RIPOR2: variants seen among roughly 807,000 people sequenced by gnomAD.
RIPOR2 encodes the protein RHO family interacting cell polarization regulator 2.
A neutral mutation model predicts 114.5 loss-of-function variants in RIPOR2; 39 were observed. That is an observed-to-expected ratio of 0.34 (90% CI 0.26 to 0.44). The LOEUF (loss-of-function observed/expected upper bound fraction) is 0.44, where lower values mean the gene tolerates loss of function less well. Among genes scored for constraint, RIPOR2 ranks in the 20% least tolerant of loss-of-function variants. The probability of loss-of-function intolerance (pLI) is 1.00; values close to 1 mark genes in which losing one functional copy is unlikely to be tolerated. For missense variants in RIPOR2, 1,007 were observed against 1,255.1 expected, an observed-to-expected ratio of 0.80 and a Z score of 2.99; for synonymous variants, 445 against 484.4, an observed-to-expected ratio of 0.92 and a Z score of 1.07.
chr6:24,847,744 C>A, intron 12 of RIPOR2: 1 of 1,499,810 alleles, frequency 6.7e-7, no homozygotes, highest in Non-Finnish European at 9.0e-7. Context: ...CAGGTTACTA[C>A]ATTTTGTTAG....
intron 1 of RIPOR2, among the ~76,000 whole-genome samples, chr6:25,006,557 A>G (rs1410689): frequency 0.57 from 86,809 of 152,070 alleles, 25,308 homozygotes; most frequent in African/African-American, 0.62. Flanking sequence ...ATTCAAGTGA[A>G]AGGTGTCCTG....
At chr6:24,874,630 G>C (rs992452016) in intron 2 of RIPOR2, among the ~76,000 whole-genome samples, 3 of 152,180 alleles carry the variant, frequency 2.0e-5, no homozygotes, top group African/African-American at 7.2e-5. Context: ...AACATCATAG[G>C]AAGCTAAGGG....
intron 1 of RIPOR2, among the ~76,000 whole-genome samples, chr6:24,927,010 T>C (rs375532743): frequency 0.055 from 133 of 2,410 alleles, 1 homozygote; most frequent in South Asian, 0.11. Context: ...ACCACCACCA[T>C]CACCACCACC....
chr6:24,910,768 T>C (rs1183619443), intron 1 of RIPOR2: 1 of 977,884 alleles, frequency 1.0e-6, no homozygotes, highest in Admixed American at 6.2e-5. Context: ...CCTCACCGCG[T>C]TGTACGCAAA....
intron 1 of RIPOR2, among the ~76,000 whole-genome samples, chr6:25,026,045 G>GTTT (rs796470668): frequency 6.8e-6 from 1 of 146,274 alleles, no homozygotes; most frequent in Admixed American, 6.8e-5. Flanking sequence ...AAAGATTGTT[G>GTTT]TTTTTTTTTT....
At chr6:24,935,045 C>A (rs909237093) in intron 1 of RIPOR2, among the ~76,000 whole-genome samples, 2 of 152,118 alleles carry the variant, frequency 1.3e-5, no homozygotes, top group Non-Finnish European at 2.9e-5. Context: ...TGGTAGCTCA[C>A]GCCTGTAATC....
chr6:24,970,559 A>AAGCTG (rs1415513771), intron 1 of RIPOR2, among the ~76,000 whole-genome samples: 1 of 152,152 alleles, frequency 6.6e-6, no homozygotes, highest in Non-Finnish European at 1.5e-5. Flanking sequence ...GGTGAACTAA[A>AAGCTG]AGCTGTCTTG....
At chr6:24,976,772 A>T in intron 1 of RIPOR2, 1 of 1,611,820 alleles carries the variant, frequency 6.2e-7, no homozygotes, top group Non-Finnish European at 8.5e-7. Context: ...AGGTCCTGAA[A>T]TCTTGTCCAT....
At chr6:24,947,668 A>T (rs916552174) in intron 1 of RIPOR2, among the ~76,000 whole-genome samples, 1 of 151,612 alleles carries the variant, frequency 6.6e-6, no homozygotes, top group African/African-American at 2.4e-5. Context: ...TTCTTCAAAA[A>T]GGGGCTCTAC....
chr6:24,960,696 A>G (rs1773262770), intron 1 of RIPOR2, among the ~76,000 whole-genome samples: 1 of 151,774 alleles, frequency 6.6e-6, no homozygotes, highest in Non-Finnish European at 1.5e-5. Context: ...CACCTGGCTA[A>G]TTTTTCCATT....
chr6:24,829,656 C>T (rs1760495464), intron 17 of RIPOR2, among the ~76,000 whole-genome samples: 3 of 152,170 alleles, frequency 2.0e-5, no homozygotes, highest in Admixed American at 6.5e-5. Flanking sequence ...CTGTGTAATA[C>T]TCTATGCTAT....
At chr6:25,041,933 A>G (rs1777473890) in exon 1 of RIPOR2, 1 of 702,354 alleles carries the variant, frequency 1.4e-6, no homozygotes, top group East Asian at 2.7e-5. Flanking sequence ...CCATGGTCCC[A>G]ACAGAGCGGC....
chr6:24,937,350 A>G (rs1581840609), upstream of RIPOR2, among the ~76,000 whole-genome samples: 1 of 152,180 alleles, frequency 6.6e-6, no homozygotes, highest in East Asian at 1.9e-4. Context: ...ACCATAATGC[A>G]TGGAACAGTA....
intron 15 of RIPOR2, among the ~76,000 whole-genome samples, chr6:24,834,473 T>A (rs1237136765): frequency 6.6e-6 from 1 of 152,024 alleles, no homozygotes; most frequent in Non-Finnish European, 1.5e-5. Flanking sequence ...CTTGACACTT[T>A]TTCTTTTCTT....
chr6:25,010,943 C>T (rs890889362), intron 1 of RIPOR2, among the ~76,000 whole-genome samples: 1 of 152,234 alleles, frequency 6.6e-6, no homozygotes, highest in Non-Finnish European at 1.5e-5. Flanking sequence ...CATAGGGACA[C>T]AGATAAAGAA....
chr6:24,927,707 A>G (rs1470972024), intron 1 of RIPOR2, among the ~76,000 whole-genome samples: 1 of 152,182 alleles, frequency 6.6e-6, no homozygotes, highest in East Asian at 1.9e-4. Context: ...TACAACCACT[A>G]CTACCATCAC....
At position 24,879,162 on chromosome 6, in the gene RIPOR2, A is replaced by G. The variant is rs1766105266; in HGVS notation, c.62-3345T>C. Among the ~76,000 whole-genome samples the G allele has an allele frequency of 2.2e-5, 2 of 89,744 alleles. 1 individual carries two copies. Among genetic ancestry groups the G allele is most frequent in the Non-Finnish European group, 4.4e-5 (2 of 45,666 alleles). 58.9% of individuals were successfully genotyped at this position (89,744 alleles called of 152,430 possible). ...TGAGACCAGCCTGGCCAACATGGTG[A>G]AACCCCATCTCTACTGAAAATACAA... On this transcript the variant is annotated intron_variant, in intron 1 of 21. Coordinates refer to ENST00000643898, the MANE Select transcript of RIPOR2 (RefSeq NM_001286445.3).
At chr6:24,953,799 T>A (rs910336032) in intron 1 of RIPOR2, among the ~76,000 whole-genome samples, 38 of 152,336 alleles carry the variant, frequency 2.5e-4, no homozygotes, top group African/African-American at 9.1e-4. Context: ...TGTCCAATCA[T>A]ACATCTGCAT....
At chr6:24,839,605 T>C (rs1761443517) in intron 13 of RIPOR2, 1 of 1,540,158 alleles carries the variant, frequency 6.5e-7, no homozygotes, top group Non-Finnish European at 8.8e-7. Context: ...TACTTCTGTT[T>C]GAAATTTTTA....
Sources: gnomAD v4.1 joint callset for allele counts (sites outside exome capture counted in the v4.1 genomes callset) on GRCh38, gnomAD v4.1.1 for gene constraint, MANE v1.5 for transcripts, NCBI Gene and HGNC (gene_info 2026-07-23, HGNC 2026-07-21) for gene names.